Variants in AQP9 observed in about 807,000 individuals in gnomAD.
AQP9 encodes aquaporin-9.
In AQP9, 19 loss-of-function variants were observed where a neutral mutation model predicts 23.8. The ratio of observed to expected loss-of-function variants is 0.80; its 90% CI spans 0.56 to 1.17. The LOEUF is 1.17. Among genes scored for constraint, AQP9 ranks in the 50% most tolerant of loss-of-function variants. The pLI is 0.00. For missense variants in AQP9, 413 were observed against 362.0 expected (o/e 1.14, Z -1.14); for synonymous variants, 153 against 131.5 (o/e 1.16, Z -1.12).
intron 2 of AQP9, among the ~76,000 whole-genome samples, chr15:58,167,913 C>T (rs113064301): frequency 0.025 from 3,807 of 152,072 alleles, 148 homozygotes; most frequent in African/African-American, 0.081. Context: ...TTAGTAGAGA[C>T]GGGGTTTCAC....
At chr15:58,153,810 C>G (rs1004892177) in intron 1 of AQP9, 13 of 152,096 alleles carry the variant, frequency 8.5e-5, no homozygotes, top group Non-Finnish European at 1.6e-4. Flanking sequence ...CGCCTGAGCC[C>G]TTTCTATTAC....
At chr15:58,175,110 T>A in intron 4 of AQP9, 74 bp downstream of exon 4, 1 of 1,290,220 alleles carries the variant, frequency 7.8e-7, no homozygotes, top group Non-Finnish European at 1.1e-6. Context: ...ATTGGAGAAT[T>A]AGAGACCAAT....
intron 2 of AQP9, among the ~76,000 whole-genome samples, chr15:58,168,860 G>A (rs921287508): frequency 6.6e-6 from 1 of 152,166 alleles, no homozygotes; most frequent in African/African-American, 2.4e-5. Context: ...GGTAATGTAG[G>A]TGTAGCCATA....
At chr15:58,157,889 G>GA (rs1357394473) in intron 1 of AQP9, among the ~76,000 whole-genome samples, 1 of 152,144 alleles carries the variant, frequency 6.6e-6, no homozygotes, top group Non-Finnish European at 1.5e-5. Context: ...AATTGGAGCT[G>GA]AAAAGGATTT....
chr15:58,181,429 G>T (rs1235242178), intron 5 of AQP9, among the ~76,000 whole-genome samples: 1 of 152,238 alleles, frequency 6.6e-6, no homozygotes, highest in Admixed American at 6.5e-5. Flanking sequence ...AACTCCAGGA[G>T]TTTAGAGGTC....
chr15:58,154,704 C>A lies in AQP9; in HGVS notation c.112-11969C>A, dbSNP rs529124853. 3.3e-5 allele frequency among the ~76,000 whole-genome samples: 5 copies of A among 152,090 alleles called. No homozygotes were observed. In the South Asian group the frequency reaches 1.0e-3, roughly 32 times the overall value. On this transcript the variant is annotated intron_variant, in intron 1 of 5. Coordinates refer to ENST00000219919, the MANE Select transcript of AQP9 (RefSeq NM_020980.5). ...GGATACTCCTCAAACAACCATTATA[C>A]CACCCAAATAAATTAAAGACTATTA...
intron 3 of AQP9, among the ~76,000 whole-genome samples, chr15:58,174,190 A>G (rs1335013866): frequency 6.6e-6 from 1 of 152,114 alleles, no homozygotes; most frequent in Admixed American, 6.6e-5. Flanking sequence ...CAGGAGGCTG[A>G]TAAGAGGATT....
intron 5 of AQP9, among the ~76,000 whole-genome samples, 164 bp downstream of exon 5, chr15:58,179,509 A>ATGTGTGTGTGTGTGTGTGTG (rs3052103): frequency 3.2e-4 from 48 of 148,854 alleles, no homozygotes; most frequent in African/African-American, 1.1e-3. Flanking sequence ...TTGTGGTATG[A>ATGTGTGTGTGTGTGTGTGTG]TGTGTGTGTG....
At chr15:58,166,821 T>G in intron 2 of AQP9, 22 bp downstream of exon 2, 4 of 1,611,730 alleles carry the variant, frequency 2.5e-6, no homozygotes, top group Non-Finnish European at 3.4e-6. Context: ...AAATAATGAA[T>G]GCTGCTCTTA....
chr15:58,162,331 A>G (rs1229784096), intron 1 of AQP9, among the ~76,000 whole-genome samples: 1 of 152,202 alleles, frequency 6.6e-6, no homozygotes, highest in African/African-American at 2.4e-5. Context: ...CACTTATTGC[A>G]ATGCCTGGTA....
chr15:58,170,346 A>G (rs1182747461), intron 2 of AQP9, among the ~76,000 whole-genome samples: 1 of 149,522 alleles, frequency 6.7e-6, no homozygotes. Context: ...CCAAACAACT[A>G]TTTTTCTCTG....
intron 1 of AQP9, among the ~76,000 whole-genome samples, chr15:58,160,647 G>A (rs1328365268): frequency 1.7e-5 from 2 of 115,784 alleles, no homozygotes; most frequent in East Asian, 5.6e-4. Flanking sequence ...GAAAAAAAAT[G>A]TACTTCCCTG....
chr15:58,174,290 GAAAAAAAAGAAA>G (rs549379491), intron 3 of AQP9, among the ~76,000 whole-genome samples: 1,245 of 110,372 alleles, frequency 0.011, 16 homozygotes, highest in African/African-American at 0.041. Flanking sequence ...CTCCAAAGAA[GAAAAAAAAGAAA>G]AAAAAAAAGG....
intron 2 of AQP9, among the ~76,000 whole-genome samples, chr15:58,167,029 A>T (rs1439980286): frequency 1.3e-5 from 2 of 152,216 alleles, no homozygotes; most frequent in Non-Finnish European, 2.9e-5. Flanking sequence ...GAGCTCATAA[A>T]TTATTCATTC....
At chr15:58,158,753 G>A (rs1475366234) in intron 1 of AQP9, among the ~76,000 whole-genome samples, 2 of 152,212 alleles carry the variant, frequency 1.3e-5, no homozygotes, top group Admixed American at 1.3e-4. Context: ...ATCACAAAAG[G>A]TAGATAGAAG....
At position 58,179,102 on chromosome 15, in the gene AQP9, C is replaced by T. The variant is rs74016579; in HGVS notation, c.496-26C>T. 1.9e-3 allele frequency: 2,977 copies of T among 1,533,798 alleles called. 49 individuals carry two copies. The African/African-American group carries it at 0.035, about 18-fold the overall frequency. On this transcript the variant is annotated intron_variant, in intron 4 of 5. Transcript: ENST00000219919. Reference sequence around the variant, plus strand: ...CAGGTGAGCAGAATGCAGGCTAAAGCCCTGGCTCAACTTCTCCCTCTCCAG... The same window carrying T: ...CAGGTGAGCAGAATGCAGGCTAAAGTCCTGGCTCAACTTCTCCCTCTCCAG...
At chr15:58,176,218 A>G (rs1292260383) in intron 4 of AQP9, among the ~76,000 whole-genome samples, 1 of 152,166 alleles carries the variant, frequency 6.6e-6, no homozygotes, top group Admixed American at 6.5e-5. Context: ...ACAATGCAAA[A>G]TAAGATATAA....
intron 2 of AQP9, among the ~76,000 whole-genome samples, chr15:58,169,273 C>T (rs1424303572): frequency 6.6e-6 from 1 of 152,170 alleles, no homozygotes; most frequent in Non-Finnish European, 1.5e-5. Flanking sequence ...CCCTAAAATA[C>T]AAACAGAGTG....
At chr15:58,138,181 G>A (rs1897890347), upstream of AQP9, 1 of 157,966 alleles carries the variant, frequency 6.3e-6, no homozygotes, top group African/African-American at 2.4e-5. Context: ...AATCTTTTCT[G>A]GACCAGGGCC....
Sources: gnomAD v4.1 joint callset for allele counts (sites outside exome capture counted in the v4.1 genomes callset) on GRCh38, gnomAD v4.1.1 for gene constraint, MANE v1.5 for transcripts, NCBI Gene and HGNC (gene_info 2026-07-23, HGNC 2026-07-21) for gene names.